LYRM4: variants seen among roughly 807,000 people sequenced by gnomAD.
The protein encoded by LYRM4 is LYR motif-containing protein 4.
In LYRM4, 9 loss-of-function variants were observed where a neutral mutation model predicts 11.7. The ratio of observed to expected loss-of-function variants is 0.77; its 90% CI spans 0.46 to 1.34. The LOEUF is 1.34. Ranked by LOEUF, LYRM4 falls within the 40% of genes most tolerant of loss-of-function variation. LYRM4 has a pLI of 0.00. For missense variants in LYRM4, 133 were observed against 112.5 expected, an observed-to-expected ratio of 1.18 and a Z score of -0.82; for synonymous variants, 42 against 40.4, an observed-to-expected ratio of 1.04 and a Z score of -0.15.
chr6:5,066,289 T>C, the LYRM4 span: 1 of 721,442 alleles, frequency 1.4e-6, no homozygotes. Context: ...CTGGAATTCT[T>C]TTTTACCAAT....
intron 1 of LYRM4, among the ~76,000 whole-genome samples, chr6:5,254,238 C>T (rs1158036011): frequency 6.6e-6 from 1 of 152,190 alleles, no homozygotes; most frequent in African/African-American, 2.4e-5. Context: ...AACGAATTGG[C>T]CTCATCCGCC....
At chr6:5,077,247 A>G in the LYRM4 span, among the ~76,000 whole-genome samples, 3 of 152,356 alleles carry the variant, frequency 2.0e-5, no homozygotes, top group East Asian at 5.8e-4. Flanking sequence ...GGTCTCTGTC[A>G]TACAGTGAGA....
chr6:5,076,756 G>T, the LYRM4 span, among the ~76,000 whole-genome samples: 4 of 152,190 alleles, frequency 2.6e-5, no homozygotes, highest in Non-Finnish European at 5.9e-5. Context: ...TAGAATGTCT[G>T]TAGCAGCCCA....
intron 1 of LYRM4, among the ~76,000 whole-genome samples, chr6:5,220,589 C>T (rs13219725): frequency 0.01 from 1,590 of 152,302 alleles, 33 homozygotes; most frequent in African/African-American, 0.035. Flanking sequence ...CAAGAGGAAG[C>T]TGCTAAATTC....
the LYRM4 span, among the ~76,000 whole-genome samples, chr6:5,041,035 C>G: frequency 6.6e-6 from 1 of 152,106 alleles, no homozygotes; most frequent in East Asian, 1.9e-4. Flanking sequence ...TGGTGGTGGC[C>G]CGTGCCTGTA....
chr6:5,207,476 T>C (rs1761764328), intron 2 of LYRM4, among the ~76,000 whole-genome samples: 1 of 152,200 alleles, frequency 6.6e-6, no homozygotes, highest in Admixed American at 6.5e-5. Context: ...TTGGATTGTC[T>C]TTCCTAAAAG....
At chr6:5,157,686 G>T (rs974085958) in intron 2 of LYRM4, among the ~76,000 whole-genome samples, 4 of 152,124 alleles carry the variant, frequency 2.6e-5, no homozygotes, top group Admixed American at 6.5e-5. Flanking sequence ...ACGAAAGATG[G>T]CTCCCAGTTT....
Position 5,260,819 on chromosome 6 carries a change from C to A in LYRM4, c.-86G>T, listed in dbSNP as rs1765045151. The A allele has an allele frequency of 6.6e-7, 1 of 1,526,050 alleles. No homozygotes were observed. The highest frequency in any genetic ancestry group is 1.2e-5 in the South Asian group (1 of 83,188). The allele number at this position is 1,526,050 out of a possible 1,614,324, so 94.5% of individuals were successfully genotyped here. A position where few individuals can be genotyped will look rare whatever the true frequency, so the allele number is the denominator to read the frequency against. On this transcript the variant is annotated 5_prime_UTR_variant, in exon 1 of 3. Transcript: ENST00000330636. ...CACGAAACTCCAGCCTGTGCGGAAA[C>A]CACGAACGAAATAAAATGCTGCGGC...
At chr6:5,209,623 G>T (rs1761886221) in intron 2 of LYRM4, among the ~76,000 whole-genome samples, 1 of 152,264 alleles carries the variant, frequency 6.6e-6, no homozygotes, top group Admixed American at 6.5e-5. Context: ...AAATGAGAAA[G>T]AACTTCTACA....
At chr6:5,159,711 C>G (rs1403252343) in intron 2 of LYRM4, among the ~76,000 whole-genome samples, 4 of 152,174 alleles carry the variant, frequency 2.6e-5, no homozygotes, top group African/African-American at 9.7e-5. Context: ...TCATACCTAT[C>G]TTTTACAATC....
chr6:5,188,685 GGA>G, intron 2 of LYRM4, among the ~76,000 whole-genome samples: 1 of 152,132 alleles, frequency 6.6e-6, no homozygotes, highest in African/African-American at 2.4e-5. Flanking sequence ...TACTATTGGA[GGA>G]TTAAATGAGA....
intron 2 of LYRM4, among the ~76,000 whole-genome samples, chr6:5,212,612 G>C (rs1389943130): frequency 2.0e-5 from 3 of 152,228 alleles, no homozygotes; most frequent in Non-Finnish European, 4.4e-5. Context: ...TTTCTGCAGA[G>C]AGGGAGAACC....
At chr6:5,101,498 A>G (rs1173944419), downstream of LYRM4, among the ~76,000 whole-genome samples, 1 of 152,228 alleles carries the variant, frequency 6.6e-6, no homozygotes, top group Non-Finnish European at 1.5e-5. Flanking sequence ...TTTATGAATG[A>G]GGAAACAGAA....
chr6:5,195,290 A>T (rs1254383606), intron 2 of LYRM4, among the ~76,000 whole-genome samples: 10 of 152,146 alleles, frequency 6.6e-5, no homozygotes. Flanking sequence ...CTTCCCTTGC[A>T]GAGGGATGTT....
At chr6:5,229,950 TA>T (rs1210632428) in intron 1 of LYRM4, among the ~76,000 whole-genome samples, 2 of 152,222 alleles carry the variant, frequency 1.3e-5, no homozygotes, top group East Asian at 3.8e-4. Context: ...TTATCAAAAT[TA>T]AACCCTATCA....
At chr6:5,226,657 G>A (rs761199542) in intron 1 of LYRM4, among the ~76,000 whole-genome samples, 8 of 152,190 alleles carry the variant, frequency 5.3e-5, no homozygotes, top group African/African-American at 7.2e-5. Flanking sequence ...AATTAGAGGC[G>A]TGAGCCACCG....
the LYRM4 span, among the ~76,000 whole-genome samples, chr6:5,077,057 C>T: frequency 1.3e-5 from 2 of 152,204 alleles, no homozygotes; most frequent in Non-Finnish European, 2.9e-5. Context: ...CCTTCCTGAA[C>T]CCGTCCTAGG....
the LYRM4 span, among the ~76,000 whole-genome samples, chr6:5,075,553 G>A: frequency 6.6e-6 from 1 of 152,140 alleles, no homozygotes; most frequent in Admixed American, 6.5e-5. Flanking sequence ...ACACTGGGGA[G>A]GCAACAGCAA....
At chr6:5,216,560 G>GA in intron 2 of LYRM4, 58 bp downstream of exon 2, 1 of 1,602,922 alleles carries the variant, frequency 6.2e-7, no homozygotes, top group Admixed American at 1.7e-5. Flanking sequence ...TAATCAAGGG[G>GA]AATATGTCGA....
Sources: gnomAD v4.1 joint callset for allele counts (sites outside exome capture counted in the v4.1 genomes callset) on GRCh38, gnomAD v4.1.1 for gene constraint, MANE v1.5 for transcripts, NCBI Gene and HGNC (gene_info 2026-07-23, HGNC 2026-07-21) for gene names.